The following HTR4 variants were observed in gnomAD, a reference collection of about 807,000 sequenced individuals.
HTR4 encodes the protein 5-hydroxytryptamine receptor 4, also known as 5-hydroxytryptamine (serotonin) receptor 4, G protein-coupled.
In HTR4, 16 loss-of-function variants were observed where a neutral mutation model predicts 36.8. The ratio of observed to expected loss-of-function variants is 0.43; its 90% CI spans 0.29 to 0.66. The LOEUF is 0.66. HTR4 is among the 30% of genes least tolerant of loss of function. The probability of loss-of-function intolerance (pLI) is 0.13; values close to 1 mark genes in which losing one functional copy is unlikely to be tolerated. For synonymous variants in HTR4, 189 were observed against 185.1 expected, an observed-to-expected ratio of 1.02 and a Z score of -0.17; for missense variants, 438 against 490.9, an observed-to-expected ratio of 0.89 and a Z score of 1.02.
chr5:148,617,504 TG>T (rs1752747382), intron 2 of HTR4, among the ~76,000 whole-genome samples: 1 of 151,644 alleles, frequency 6.6e-6, no homozygotes, highest in Non-Finnish European at 1.5e-5. Flanking sequence ...AGTCTTGCCC[TG>T]TCACACAGGC....
chr5:148,592,534 C>T (rs1264571312), intron 2 of HTR4, among the ~76,000 whole-genome samples: 1 of 152,092 alleles, frequency 6.6e-6, no homozygotes, highest in East Asian at 1.9e-4. Flanking sequence ...AATAAGCAGA[C>T]TCTTCCCTCT....
intron 2 of HTR4, among the ~76,000 whole-genome samples, chr5:148,628,055 G>A (rs920759324): frequency 6.6e-6 from 1 of 152,196 alleles, no homozygotes; most frequent in African/African-American, 2.4e-5. Flanking sequence ...TACGACTCTG[G>A]TAAATTCCAG....
intron 2 of HTR4, 48 bp from the exon 3 acceptor site, chr5:148,550,310 CA>C: frequency 6.2e-7 from 1 of 1,605,780 alleles, no homozygotes; most frequent in South Asian, 1.1e-5. Context: ...CTCTGGGACA[CA>C]AGAAGGAAAA....
intron 6 of HTR4, among the ~76,000 whole-genome samples, chr5:148,507,669 G>A (rs903389335): frequency 6.6e-6 from 1 of 151,652 alleles, no homozygotes; most frequent in Non-Finnish European, 1.5e-5. Context: ...TGATCCTGCA[G>A]ATTACCAGAC....
At chr5:148,599,647 A>C (rs1402931950) in intron 2 of HTR4, among the ~76,000 whole-genome samples, 1 of 152,130 alleles carries the variant, frequency 6.6e-6, no homozygotes, top group Non-Finnish European at 1.5e-5. Context: ...ACGAAGAAAA[A>C]TGATCCCAGA....
chr5:148,558,788 C>T (rs551976877), intron 2 of HTR4, among the ~76,000 whole-genome samples: 10 of 152,286 alleles, frequency 6.6e-5, no homozygotes, highest in African/African-American at 2.2e-4. Flanking sequence ...TGGTCTCTCT[C>T]CCTATTGCCA....
chr5:148,637,916 C>G (rs1376603922), intron 1 of HTR4, among the ~76,000 whole-genome samples: 1 of 152,174 alleles, frequency 6.6e-6, no homozygotes, highest in Non-Finnish European at 1.5e-5. Flanking sequence ...TGAACATCAT[C>G]ATTCACTTCT....
At chr5:148,452,555 A>C (rs1302937952) in intron 5 of HTR4, among the ~76,000 whole-genome samples, 1 of 152,176 alleles carries the variant, frequency 6.6e-6, no homozygotes, top group Non-Finnish European at 1.5e-5. Flanking sequence ...CCCACAACAA[A>C]GAATTATCTG....
In HTR4 at chr5:148,483,104, G is replaced by C; in HGVS notation, c.*99C>G. On this transcript the variant is annotated 3_prime_UTR_variant, in exon 7 of 7. Coordinates refer to ENST00000377888, the MANE Select transcript of HTR4 (RefSeq NM_000870.7). ...CTGCACTGGCGGACGGAAAGCCTCA[G>C]GTGAAGAGAATACCGGGTGCAGTCG... 6.4e-7 allele frequency: 1 copy of C among 1,569,876 alleles called. No homozygotes were observed. Among genetic ancestry groups the C allele is most frequent in the South Asian group, 1.2e-5 (1 of 85,998 alleles).
intron 2 of HTR4, among the ~76,000 whole-genome samples, chr5:148,582,452 C>G (rs1037350546): frequency 6.7e-6 from 1 of 149,740 alleles, no homozygotes; most frequent in Admixed American, 6.6e-5. Flanking sequence ...CCTCCTTCAT[C>G]CCCCCTTCAT....
intron 2 of HTR4, among the ~76,000 whole-genome samples, chr5:148,602,100 A>C (rs546286501): frequency 6.6e-6 from 1 of 152,288 alleles, no homozygotes; most frequent in Admixed American, 6.5e-5. Flanking sequence ...ATATACTTAA[A>C]ATTTGCTAAG....
chr5:148,644,704 G>A (rs1301449328), intron 1 of HTR4: 1 of 152,118 alleles, frequency 6.6e-6, no homozygotes, highest in Non-Finnish European at 1.5e-5. Flanking sequence ...AGGAAGGTGG[G>A]ATGTGGATAC....
downstream of HTR4, among the ~76,000 whole-genome samples, chr5:148,477,337 T>C (rs1755732830): frequency 6.6e-6 from 1 of 152,184 alleles, no homozygotes; most frequent in Admixed American, 6.5e-5. Flanking sequence ...TAAATTGAAA[T>C]CAATGAAGAC....
At chr5:148,590,033 T>G (rs563342046) in intron 2 of HTR4, among the ~76,000 whole-genome samples, 3 of 152,190 alleles carry the variant, frequency 2.0e-5, no homozygotes, top group Non-Finnish European at 4.4e-5. Flanking sequence ...GCAACCACCA[T>G]TTCACTCTCT....
chr5:148,610,902 C>T lies in HTR4; in HGVS notation c.26+26087G>A, dbSNP rs1000374511. Among the ~76,000 whole-genome samples the T allele has an allele frequency of 4.7e-4, 70 of 147,654 alleles. 1 individual carries two copies. In the East Asian group the frequency reaches 6.1e-3, roughly 13 times the overall value. ...AATGCAGAAGCCTCAGGAGCCGATGCGATCAACTGGAAGAAAGGGTATCAG... is the reference window on the plus strand; with the variant it reads ...AATGCAGAAGCCTCAGGAGCCGATGTGATCAACTGGAAGAAAGGGTATCAG... On this transcript the variant is annotated intron_variant, in intron 2 of 6. Transcript: ENST00000377888.
chr5:148,517,211 CTCTT>C (rs764224823), intron 5 of HTR4, among the ~76,000 whole-genome samples: 1 of 152,248 alleles, frequency 6.6e-6, no homozygotes, highest in Admixed American at 6.5e-5. Flanking sequence ...AGACAATTTT[CTCTT>C]TCTTTGTTTT....
chr5:148,631,460 C>G (rs1000235767), intron 2 of HTR4, among the ~76,000 whole-genome samples: 1 of 152,130 alleles, frequency 6.6e-6, no homozygotes, highest in African/African-American at 2.4e-5. Context: ...TGAATTGACT[C>G]CAGTTCCAAA....
intron 2 of HTR4, among the ~76,000 whole-genome samples, chr5:148,621,837 T>C (rs1057449328): frequency 6.6e-6 from 1 of 152,224 alleles, no homozygotes; most frequent in Non-Finnish European, 1.5e-5. Context: ...GATTATCATT[T>C]TTAGAACTTG....
chr5:148,536,043 C>T (rs779549463), intron 4 of HTR4, among the ~76,000 whole-genome samples: 3 of 152,110 alleles, frequency 2.0e-5, no homozygotes, highest in Admixed American at 2.0e-4. Context: ...AGACTTCTCA[C>T]CTGAAACCCT....
Sources: allele counts gnomAD v4.1 joint callset (sites outside exome capture counted in the v4.1 genomes callset), GRCh38; gene constraint gnomAD v4.1.1; transcripts MANE v1.5; gene names NCBI Gene and HGNC (gene_info 2026-07-23, HGNC 2026-07-21).